Variants in TNR observed in about 807,000 individuals in gnomAD.
TNR encodes the protein tenascin-R.
Under a neutral mutation model 150.4 loss-of-function variants are expected in TNR, and 45 were observed. The ratio of observed to expected loss-of-function variants is 0.30; its 90% CI spans 0.24 to 0.38. TNR has a LOEUF of 0.38. Ranked by LOEUF, TNR falls within the 10% of genes least tolerant of loss-of-function variation. The pLI is 1.00. For missense variants in TNR, 1,544 were observed against 1,759.1 expected (o/e 0.88, Z 2.19); for synonymous variants, 687 against 678.4 (o/e 1.01, Z -0.20).
chr1:175,583,052 A>T (rs1662420960), intron 1 of TNR, among the ~76,000 whole-genome samples: 1 of 152,040 alleles, frequency 6.6e-6, no homozygotes, highest in South Asian at 2.1e-4. Flanking sequence ...CTTTTTGTTT[A>T]TTACAAATTA....
chr1:175,497,823 G>A (rs1167247219), intron 2 of TNR, among the ~76,000 whole-genome samples: 1 of 152,160 alleles, frequency 6.6e-6, no homozygotes, highest in African/African-American at 2.4e-5. Flanking sequence ...ACTTTGGGAG[G>A]CCGAGGTGGG....
intron 1 of TNR, among the ~76,000 whole-genome samples, chr1:175,545,364 A>G (rs1356285247): frequency 6.6e-6 from 1 of 152,102 alleles, no homozygotes; most frequent in Non-Finnish European, 1.5e-5. Flanking sequence ...GGAGATTATC[A>G]GTGTAGATTA....
chr1:175,603,463 C>T (rs1663314264), intron 1 of TNR, among the ~76,000 whole-genome samples: 1 of 152,226 alleles, frequency 6.6e-6, no homozygotes, highest in Admixed American at 6.5e-5. Flanking sequence ...CTTCCTTCTA[C>T]TTCTCAGCAG....
intron 2 of TNR, among the ~76,000 whole-genome samples, chr1:175,448,021 A>G (rs1656138936): frequency 6.6e-6 from 1 of 152,146 alleles, no homozygotes; most frequent in Non-Finnish European, 1.5e-5. Context: ...CCACTAGGAA[A>G]AGAAAATAGA....
intron 2 of TNR, among the ~76,000 whole-genome samples, chr1:175,408,769 A>G (rs1210769523): frequency 6.6e-6 from 1 of 152,266 alleles, no homozygotes; most frequent in Admixed American, 6.5e-5. Context: ...ATTAACTAAC[A>G]TAAATAAATA....
At chr1:175,464,323 G>A (rs1343695528) in intron 2 of TNR, among the ~76,000 whole-genome samples, 1 of 152,180 alleles carries the variant, frequency 6.6e-6, no homozygotes, top group Non-Finnish European at 1.5e-5. Context: ...TCAATATCCA[G>A]AATTAAAGTG....
intron 2 of TNR, among the ~76,000 whole-genome samples, chr1:175,497,763 T>A (rs911211365): frequency 3.9e-5 from 6 of 152,182 alleles, no homozygotes; most frequent in Non-Finnish European, 8.8e-5. Context: ...CCAGTGCTTA[T>A]GTTAAACACC....
chr1:175,569,042 G>T (rs1343065771), intron 1 of TNR, among the ~76,000 whole-genome samples: 1 of 152,038 alleles, frequency 6.6e-6, no homozygotes, highest in African/African-American at 2.4e-5. Context: ...GCCCGTGGTT[G>T]GCCGGGAAGG....
intron 1 of TNR, among the ~76,000 whole-genome samples, chr1:175,741,989 C>G (rs953732187): frequency 7.2e-5 from 11 of 152,308 alleles, no homozygotes; most frequent in African/African-American, 2.6e-4. Flanking sequence ...ACATCTCTTT[C>G]AAGTTCCCTG....
At chr1:175,641,670 G>A (rs1664665159) in intron 1 of TNR, among the ~76,000 whole-genome samples, 1 of 152,048 alleles carries the variant, frequency 6.6e-6, no homozygotes, top group Non-Finnish European at 1.5e-5. Flanking sequence ...GTCTGACACT[G>A]GAATAAAAAA....
At chr1:175,415,814 C>T (rs374592951) in intron 2 of TNR, among the ~76,000 whole-genome samples, 2 of 151,992 alleles carry the variant, frequency 1.3e-5, no homozygotes, top group Admixed American at 6.5e-5. Context: ...ATGATACCAG[C>T]GGAGTAATGA....
At chr1:175,622,653 T>A (rs1664018411) in intron 1 of TNR, among the ~76,000 whole-genome samples, 1 of 152,200 alleles carries the variant, frequency 6.6e-6, no homozygotes, top group Admixed American at 6.6e-5. Flanking sequence ...TTTAGATGCC[T>A]GTATTGGTTT....
rs185861847 is a variant in TNR, at chr1:175,351,444, A to G, written c.3382+2947T>C. On this transcript the variant is annotated intron_variant, in intron 18 of 22. Transcript: ENST00000367674. ...AAATTAGAGGGAATTTGGGCATCAC[A>G]TCATACTCTTGAAGGTTATACCTCT... 6.6e-5 allele frequency among the ~76,000 whole-genome samples: 10 copies of G among 152,314 alleles called. No homozygotes were observed. In the East Asian group the frequency reaches 7.7e-4, roughly 12 times the overall value.
At chr1:175,410,171 G>A (rs372990392) in intron 2 of TNR, among the ~76,000 whole-genome samples, 29 of 152,240 alleles carry the variant, frequency 1.9e-4, no homozygotes, top group African/African-American at 5.5e-4. Context: ...GGCAGGGGCC[G>A]GCCTGGTGAA....
At chr1:175,374,187 C>G (rs1364200634) in intron 9 of TNR, among the ~76,000 whole-genome samples, 1 of 152,160 alleles carries the variant, frequency 6.6e-6, no homozygotes, top group Non-Finnish European at 1.5e-5. Context: ...TGCTGACTTG[C>G]CAGCTGGACT....
At chr1:175,536,592 G>A (rs184134229) in intron 1 of TNR, among the ~76,000 whole-genome samples, 197 of 152,320 alleles carry the variant, frequency 1.3e-3, no homozygotes, top group African/African-American at 4.6e-3. Flanking sequence ...CCTTCTGGTA[G>A]CACCACAGAT....
intron 9 of TNR, among the ~76,000 whole-genome samples, chr1:175,371,670 C>G (rs1221344675): frequency 6.6e-6 from 1 of 152,126 alleles, no homozygotes; most frequent in Non-Finnish European, 1.5e-5. Flanking sequence ...AAGATTCACA[C>G]GTTATTTAAT....
chr1:175,621,728 C>T (rs1663983306), intron 1 of TNR, among the ~76,000 whole-genome samples: 1 of 152,218 alleles, frequency 6.6e-6, no homozygotes, highest in African/African-American at 2.4e-5. Flanking sequence ...CTCCCTCCTT[C>T]CTCTCTGCCT....
rs59315046 is a variant in TNR at position 175,657,853 on chromosome 1, GTATATATATA to G, written c.-165+85363_-165+85372del. Among the ~76,000 whole-genome samples the G allele has an allele frequency of 1.3e-3, 95 of 70,488 alleles. 7 individuals carry two copies. Among genetic ancestry groups the G allele is most frequent in the African/African-American group, 5.0e-3 (85 of 16,994 alleles). 46.2% of individuals were successfully genotyped at this position (70,488 alleles called of 152,430 possible). A position where few individuals can be genotyped will look rare whatever the true frequency, so the allele number is the denominator to read the frequency against. On this transcript the variant is annotated intron_variant, in intron 1 of 22. Transcript: ENST00000367674. ...GGTGCAGCACACCAACATGGAACAT[GTATATATATA>G]TATATATATATATATATATATGTAA...
Sources: allele counts gnomAD v4.1 joint callset (sites outside exome capture counted in the v4.1 genomes callset), GRCh38; gene constraint gnomAD v4.1.1; transcripts MANE v1.5; gene names NCBI Gene and HGNC (gene_info 2026-07-23, HGNC 2026-07-21).